Variants in FAM135B observed in about 807,000 individuals in gnomAD.
FAM135B encodes the protein family with sequence similarity 135 member B, also known as protein FAM135B.
FAM135B carries 43 observed loss-of-function variants against 127.7 expected under a neutral mutation model. The observed-to-expected ratio is 0.34, with a 90% confidence interval of 0.26 to 0.43. The LOEUF (loss-of-function observed/expected upper bound fraction) is 0.43. Ranked by LOEUF, FAM135B falls within the 20% of genes least tolerant of loss-of-function variation. The pLI, the probability that FAM135B is intolerant of heterozygous loss-of-function variation, is 1.00. For synonymous variants in FAM135B, 670 were observed against 665.1 expected (o/e 1.01, Z -0.11); for missense variants, 1,558 against 1,725.6 (o/e 0.90, Z 1.72).
chr8:138,165,021 G>C (rs541629646), intron 12 of FAM135B, among the ~76,000 whole-genome samples: 5 of 152,326 alleles, frequency 3.3e-5, no homozygotes, highest in African/African-American at 9.6e-5. Flanking sequence ...GGTGAGAAAG[G>C]AGTGAGCAGA....
At chr8:138,221,984 A>T (rs1819054671) in intron 7 of FAM135B, among the ~76,000 whole-genome samples, 1 of 152,234 alleles carries the variant, frequency 6.6e-6, no homozygotes, top group African/African-American at 2.4e-5. Flanking sequence ...GAGAAAAATC[A>T]ATCAGTAGAA....
chr8:138,348,742 G>C (rs1829584826), intron 2 of FAM135B, among the ~76,000 whole-genome samples: 2 of 152,232 alleles, frequency 1.3e-5, no homozygotes, highest in African/African-American at 4.8e-5. Context: ...GAAACTAAGA[G>C]TGAATCCAAT....
intron 1 of FAM135B, among the ~76,000 whole-genome samples, chr8:138,476,463 T>A (rs1471810464): frequency 6.7e-6 from 1 of 148,718 alleles, no homozygotes; most frequent in Non-Finnish European, 1.5e-5. Flanking sequence ...GGATGGGGGA[T>A]GTGGGGTATC....
chr8:138,331,156 T>C (rs1028909530), intron 2 of FAM135B, among the ~76,000 whole-genome samples: 1 of 152,204 alleles, frequency 6.6e-6, no homozygotes, highest in African/African-American at 2.4e-5. Context: ...TGGTAGGTGC[T>C]AGGAAACAAT....
At chr8:138,259,745 A>T (rs1468927431) in intron 4 of FAM135B, among the ~76,000 whole-genome samples, 2 of 152,162 alleles carry the variant, frequency 1.3e-5, no homozygotes, top group African/African-American at 4.8e-5. Flanking sequence ...CCTCATCTGT[A>T]AAACAGGAGT....
intron 5 of FAM135B, among the ~76,000 whole-genome samples, chr8:138,256,395 C>T (rs1822091131): frequency 6.6e-6 from 1 of 152,182 alleles, no homozygotes; most frequent in South Asian, 2.1e-4. Context: ...CAATTTCTAT[C>T]ACATTGTAAG....
chr8:138,268,172 A>G (rs1823091799), intron 3 of FAM135B, among the ~76,000 whole-genome samples: 1 of 152,204 alleles, frequency 6.6e-6, no homozygotes, highest in Admixed American at 6.5e-5. Context: ...TTGTGGGATC[A>G]CTGTGGACAC....
intron 16 of FAM135B, among the ~76,000 whole-genome samples, chr8:138,142,493 A>T (rs953973761): frequency 6.6e-6 from 1 of 151,240 alleles, no homozygotes; most frequent in Non-Finnish European, 1.5e-5. Flanking sequence ...TTTAGTAGAG[A>T]TGGGGTTTCC....
chr8:138,320,911 T>A (rs759568193), intron 2 of FAM135B, among the ~76,000 whole-genome samples: 20 of 152,222 alleles, frequency 1.3e-4, no homozygotes, highest in Non-Finnish European at 7.3e-5. Flanking sequence ...TAATATTCTA[T>A]AATGGGAATA....
At chr8:138,248,433 G>C (rs183089308) in intron 6 of FAM135B, among the ~76,000 whole-genome samples, 4 of 152,104 alleles carry the variant, frequency 2.6e-5, no homozygotes, top group Non-Finnish European at 5.9e-5. Context: ...CACCCACCTT[G>C]AAGCAAGCAT....
chr8:138,171,535 C>T (rs1820445435), intron 11 of FAM135B, among the ~76,000 whole-genome samples: 3 of 152,334 alleles, frequency 2.0e-5, no homozygotes, highest in South Asian at 4.1e-4. Flanking sequence ...TCCCAAGTGC[C>T]TTAGACAATG....
At chr8:138,146,380 T>C (rs779284634) in intron 14 of FAM135B, among the ~76,000 whole-genome samples, 13 of 152,156 alleles carry the variant, frequency 8.5e-5, no homozygotes, top group Non-Finnish European at 1.9e-4. Flanking sequence ...AATTCCATTT[T>C]GCAAGCAGTT....
At chr8:138,389,322 G>A (rs1343229639) in intron 1 of FAM135B, among the ~76,000 whole-genome samples, 1 of 152,160 alleles carries the variant, frequency 6.6e-6, no homozygotes, top group African/African-American at 2.4e-5. Flanking sequence ...CACAAGAGAA[G>A]TGAAACCATT....
intron 7 of FAM135B, among the ~76,000 whole-genome samples, chr8:138,219,514 T>A (rs1194890740): frequency 6.6e-6 from 1 of 152,188 alleles, no homozygotes; most frequent in Non-Finnish European, 1.5e-5. Flanking sequence ...AATCACCCAG[T>A]GAGGATCATA....
intron 1 of FAM135B, among the ~76,000 whole-genome samples, chr8:138,474,999 A>C (rs1344375044): frequency 6.6e-6 from 1 of 152,238 alleles, no homozygotes; most frequent in Non-Finnish European, 1.5e-5. Flanking sequence ...ACGCATTCTC[A>C]GTATCACTCA....
At chr8:138,259,654 G>A (rs757926934) in intron 4 of FAM135B, among the ~76,000 whole-genome samples, 1 of 152,084 alleles carries the variant, frequency 6.6e-6, no homozygotes, top group Admixed American at 6.5e-5. Context: ...CTTTGTGATC[G>A]GACGGCCCAG....
intron 1 of FAM135B, among the ~76,000 whole-genome samples, chr8:138,384,298 C>G (rs1832047276): frequency 6.6e-6 from 1 of 152,210 alleles, no homozygotes; most frequent in East Asian, 1.9e-4. Context: ...CCCCTTTAGT[C>G]TGGGAGGCTA....
intron 1 of FAM135B, among the ~76,000 whole-genome samples, chr8:138,445,342 C>A (rs1388103125): frequency 6.6e-6 from 1 of 152,066 alleles, no homozygotes; most frequent in Non-Finnish European, 1.5e-5. Flanking sequence ...CTGGCAGAGA[C>A]ACAACAAAAA....
intron 12 of FAM135B, among the ~76,000 whole-genome samples, chr8:138,167,256 C>T (rs558640428): frequency 1.5e-3 from 225 of 152,178 alleles, no homozygotes; most frequent in African/African-American, 5.2e-3. Context: ...AATGCGATGG[C>T]GAGATCTCGG....
Sources: gnomAD v4.1 joint callset for allele counts (sites outside exome capture counted in the v4.1 genomes callset) on GRCh38, gnomAD v4.1.1 for gene constraint, MANE v1.5 for transcripts, NCBI Gene and HGNC (gene_info 2026-07-23, HGNC 2026-07-21) for gene names.